The following LRP1B variants were observed in gnomAD, a reference collection of about 807,000 sequenced individuals.
The protein encoded by LRP1B is low-density lipoprotein receptor-related protein 1B.
In LRP1B, 217 loss-of-function variants were observed where a neutral mutation model predicts 556.6. The observed-to-expected ratio is 0.39, with a 90% CI of 0.35 to 0.44. LRP1B has a LOEUF of 0.44. LRP1B is among the 20% of genes least tolerant of loss of function. LRP1B has a pLI of 1.00. For synonymous variants in LRP1B, 2,047 were observed against 1,865.8 expected (o/e 1.10, Z -2.50); for missense variants, 5,053 against 5,620.8 (o/e 0.90, Z 3.23).
intron 45 of LRP1B, among the ~76,000 whole-genome samples, chr2:140,538,560 G>GAC (rs1378791721): frequency 2.6e-5 from 3 of 117,424 alleles, no homozygotes; most frequent in Non-Finnish European, 5.9e-5. Flanking sequence ...ATGTTCCAAA[G>GAC]ATATATTTCT....
In LRP1B at chr2:140,358,822, A is replaced by G; in HGVS notation, c.11256T>C (p.Gly3752=). Reference sequence around the variant, plus strand: ...TTATTTCACATTAAATGCATTTACCACCACAGTGATCTTCATCTGAATTGT... The same window carrying G: ...TTATTTCACATTAAATGCATTTACCGCCACAGTGATCTTCATCTGAATTGT... ...CGDNSDEDHC[G]GKLTYKARPC... Residue 3752 remains glycine (G), a splice_region_variant and synonymous_variant, in exon 73 of 91, where the codon GGT becomes GGC. Coordinates refer to ENST00000389484, the MANE Select transcript of LRP1B (RefSeq NM_018557.3). 1 of 1,607,458 alleles carries G rather than the reference A, an allele frequency of 6.2e-7. No individual in the cohort carries two copies. Among genetic ancestry groups the G allele is most frequent in the Non-Finnish European group, 8.5e-7 (1 of 1,175,160 alleles).
At chr2:140,371,119 T>C in intron 70 of LRP1B, 60 bp downstream of exon 70, 1 of 1,137,352 alleles carries the variant, frequency 8.8e-7, no homozygotes, top group Non-Finnish European at 1.2e-6. Flanking sequence ...TTTCATTACA[T>C]TTGTTTGCCC....
At chr2:140,320,409 CAA>C (rs1199185606) in intron 82 of LRP1B, among the ~76,000 whole-genome samples, 3 of 152,016 alleles carry the variant, frequency 2.0e-5, no homozygotes, top group African/African-American at 7.2e-5. Context: ...CAGCAGAGAA[CAA>C]AGAGAAAAAT....
At chr2:140,899,889 C>G (rs755927066) in intron 23 of LRP1B, among the ~76,000 whole-genome samples, 29 of 152,098 alleles carry the variant, frequency 1.9e-4, no homozygotes, top group Non-Finnish European at 3.7e-4. Context: ...ATAATGTCTT[C>G]TTTCTGGTAA....
chr2:141,346,924 C>A lies in LRP1B; in HGVS notation c.344-92283G>T, dbSNP rs550988340. Among the ~76,000 whole-genome samples, 8 of 152,072 alleles carry A rather than the reference C, an allele frequency of 5.3e-5. No individual in the cohort carries two copies. The South Asian group carries it at 1.7e-3, about 32-fold the overall frequency. ...AGTTCTCCACATTCTTGTGGTTTTA[C>A]TTCTTGAAAACTTCCTTTAATGTTT... On this transcript the variant is annotated intron_variant, in intron 3 of 90. Transcript: ENST00000389484.
intron 3 of LRP1B, among the ~76,000 whole-genome samples, chr2:141,470,921 G>C (rs964580266): frequency 1.3e-5 from 2 of 152,172 alleles, no homozygotes; most frequent in South Asian, 2.1e-4. Flanking sequence ...AATTATGGTT[G>C]CTTAAAATAG....
intron 41 of LRP1B, among the ~76,000 whole-genome samples, chr2:140,623,109 T>G (rs1239790762): frequency 6.6e-6 from 1 of 152,206 alleles, no homozygotes; most frequent in Non-Finnish European, 1.5e-5. Flanking sequence ...AGCTGATGTT[T>G]AAGCTTACAT....
chr2:141,034,403 A>T lies in LRP1B; in HGVS notation c.1790-14301T>A, dbSNP rs912266222. Among the ~76,000 whole-genome samples the T allele has an allele frequency of 2.6e-5, 4 of 152,130 alleles. 1 individual carries two copies. The South Asian group carries it at 6.2e-4, about 24-fold the overall frequency. On this transcript the variant is annotated intron_variant, in intron 11 of 90. Coordinates refer to ENST00000389484, the MANE Select transcript of LRP1B (RefSeq NM_018557.3). Reference sequence around the variant, plus strand: ...GAGCTTCTGCACAGCAAAAGAAACTACCATCAGAGTGAACAGGCAACCTAC... The same window carrying T: ...GAGCTTCTGCACAGCAAAAGAAACTTCCATCAGAGTGAACAGGCAACCTAC...
chr2:141,504,249 G>A (rs1275024124), intron 2 of LRP1B, among the ~76,000 whole-genome samples: 1 of 152,100 alleles, frequency 6.6e-6, no homozygotes, highest in East Asian at 1.9e-4. Flanking sequence ...TTCTCCAAGG[G>A]CAGGATGATG....
chr2:140,687,181 A>G (rs1430460470), intron 41 of LRP1B, among the ~76,000 whole-genome samples: 1 of 152,062 alleles, frequency 6.6e-6, no homozygotes, highest in East Asian at 1.9e-4. Flanking sequence ...AAGTAGAAGG[A>G]AGACCATTGG....
chr2:141,124,041 T>A (rs919352839), intron 7 of LRP1B, among the ~76,000 whole-genome samples: 6 of 152,092 alleles, frequency 3.9e-5, no homozygotes, highest in African/African-American at 4.8e-5. Context: ...ATGAGAGAAG[T>A]GAGAAAAGAA....
intron 1 of LRP1B, among the ~76,000 whole-genome samples, chr2:142,014,295 G>A (rs956600850): frequency 6.6e-6 from 1 of 152,146 alleles, no homozygotes; most frequent in South Asian, 2.1e-4. Flanking sequence ...TAACAGAGAA[G>A]AGAGCTAAAA....
In LRP1B at chr2:140,396,048, G is replaced by A. The variant is rs150677679; in HGVS notation, c.10415-10039C>T. ...TCTCTTTCCATCAGCCTGCAGTATTGACAAATTGTACAGTAATGTTGTACA... is the reference window on the plus strand; with the variant it reads ...TCTCTTTCCATCAGCCTGCAGTATTAACAAATTGTACAGTAATGTTGTACA... On this transcript the variant is annotated intron_variant, in intron 66 of 90. Transcript: ENST00000389484. Among the ~76,000 whole-genome samples, 24 of 152,254 alleles carry A rather than the reference G, an allele frequency of 1.6e-4. 1 individual carries two copies. The East Asian group carries it at 4.6e-3, about 29-fold the overall frequency.
At chr2:141,953,893 A>G (rs942583016) in intron 1 of LRP1B, among the ~76,000 whole-genome samples, 1 of 152,144 alleles carries the variant, frequency 6.6e-6, no homozygotes, top group Non-Finnish European at 1.5e-5. Flanking sequence ...TTGAGACAGG[A>G]CAATAATGAT....
intron 66 of LRP1B, among the ~76,000 whole-genome samples, chr2:140,421,888 G>A (rs1685459944): frequency 6.6e-6 from 1 of 152,124 alleles, no homozygotes; most frequent in African/African-American, 2.4e-5. Context: ...ACTGTCCAGT[G>A]CCCTGCCACA....
chr2:140,727,898 A>G (rs1051770414), intron 35 of LRP1B, among the ~76,000 whole-genome samples: 54 of 152,198 alleles, frequency 3.5e-4, no homozygotes, highest in Non-Finnish European at 6.9e-4. Flanking sequence ...TTTCATTTTG[A>G]CAAAGGCAAA....
intron 3 of LRP1B, among the ~76,000 whole-genome samples, chr2:141,338,748 T>G (rs1687939538): frequency 6.6e-6 from 1 of 152,188 alleles, no homozygotes; most frequent in African/African-American, 2.4e-5. Flanking sequence ...CCTCTTCAAA[T>G]CTATGCTCTA....
chr2:140,605,411 T>A (rs1682831404), intron 41 of LRP1B, among the ~76,000 whole-genome samples: 1 of 152,166 alleles, frequency 6.6e-6, no homozygotes, highest in South Asian at 2.1e-4. Flanking sequence ...TTACAAATAG[T>A]ACACATAACT....
At chr2:141,351,438 C>T (rs1688439563) in intron 3 of LRP1B, among the ~76,000 whole-genome samples, 1 of 151,986 alleles carries the variant, frequency 6.6e-6, no homozygotes, top group South Asian at 2.1e-4. Context: ...CATCCATTAG[C>T]TTCAGAGCTT....
Sources: allele counts gnomAD v4.1 joint callset (sites outside exome capture counted in the v4.1 genomes callset), GRCh38; gene constraint gnomAD v4.1.1; transcripts MANE v1.5; gene names NCBI Gene and HGNC (gene_info 2026-07-23, HGNC 2026-07-21).